KDM4C: variants seen among roughly 807,000 people sequenced by gnomAD.
KDM4C encodes the protein lysine demethylase 4C, also known as lysine-specific demethylase 4C.
A neutral mutation model predicts 129.3 loss-of-function variants in KDM4C; 81 were observed. The ratio of observed to expected loss-of-function variants is 0.63; its 90% CI spans 0.52 to 0.75. KDM4C has a LOEUF of 0.75. Among genes scored for constraint, KDM4C ranks in the 30% least tolerant of loss-of-function variants. The pLI is 0.00. For synonymous variants in KDM4C, 573 were observed against 456.1 expected (o/e 1.26, Z -3.26); for missense variants, 1,457 against 1,304.0 (o/e 1.12, Z -1.81).
chr9:6,776,707 C>T (rs561648558), intron 1 of KDM4C, among the ~76,000 whole-genome samples: 17 of 150,356 alleles, frequency 1.1e-4, no homozygotes, highest in Admixed American at 4.7e-4. Flanking sequence ...TGGGTTCAAG[C>T]GATTCTTGTC....
chr9:6,975,095 G>A (rs1210205847), intron 8 of KDM4C, among the ~76,000 whole-genome samples: 1 of 152,158 alleles, frequency 6.6e-6, no homozygotes, highest in Non-Finnish European at 1.5e-5. Flanking sequence ...TGAGTTTCTA[G>A]TCCCATACCT....
chr9:7,024,559 C>T (rs1430722358), intron 15 of KDM4C, among the ~76,000 whole-genome samples: 4 of 151,580 alleles, frequency 2.6e-5, no homozygotes, highest in Non-Finnish European at 5.9e-5. Flanking sequence ...GTTCAATTCC[C>T]ACCTGTGAGT....
At chr9:6,823,291 C>CT (rs1224403478) in intron 4 of KDM4C, among the ~76,000 whole-genome samples, 1 of 152,184 alleles carries the variant, frequency 6.6e-6, no homozygotes, top group East Asian at 1.9e-4. Context: ...TCAGTGGCCC[C>CT]TTGGAACCAA....
intron 4 of KDM4C, among the ~76,000 whole-genome samples, chr9:6,823,319 G>A (rs745669640): frequency 1.3e-5 from 2 of 152,158 alleles, no homozygotes; most frequent in East Asian, 1.9e-4. Flanking sequence ...CACCAAAAGG[G>A]GGTAGCTTAT....
At chr9:7,077,386 G>T in intron 17 of KDM4C, 2 of 205,550 alleles carry the variant, frequency 9.7e-6, no homozygotes, top group Non-Finnish European at 1.7e-5. Flanking sequence ...AGAATAGCAT[G>T]CTATTTAGCA....
At chr9:6,856,713 C>T (rs1839915135) in intron 5 of KDM4C, among the ~76,000 whole-genome samples, 1 of 150,406 alleles carries the variant, frequency 6.6e-6, no homozygotes, top group Non-Finnish European at 1.5e-5. Flanking sequence ...GCTGGGACTA[C>T]AGGTGTGTGC....
chr9:6,778,292 G>A (rs903323240), intron 1 of KDM4C, among the ~76,000 whole-genome samples: 7 of 150,996 alleles, frequency 4.6e-5, no homozygotes, highest in African/African-American at 1.7e-4. Context: ...GTTTCACCAT[G>A]TTGGCCAGGC....
At chr9:6,979,399 G>C (rs902213088) in intron 8 of KDM4C, among the ~76,000 whole-genome samples, 1 of 152,188 alleles carries the variant, frequency 6.6e-6, no homozygotes. Context: ...ATGCAGGAAG[G>C]TGGTGTGGTA....
At chr9:7,149,288 C>CA (rs1842508791) in intron 19 of KDM4C, among the ~76,000 whole-genome samples, 1 of 152,240 alleles carries the variant, frequency 6.6e-6, no homozygotes, top group Non-Finnish European at 1.5e-5. Context: ...GCTATCAAGA[C>CA]ACGATGGCAA....
chr9:7,093,246 G>A (rs929970510), intron 17 of KDM4C, among the ~76,000 whole-genome samples: 9 of 152,174 alleles, frequency 5.9e-5, no homozygotes, highest in African/African-American at 2.2e-4. Flanking sequence ...AAAATGAAGG[G>A]TGGAGCATGG....
rs151279305 is a variant in KDM4C at position 6,833,635 on chromosome 9, G to C, written c.436-15872G>C. ...TGATAATAGTTGATGGTAGTGTTTAGCTGGCAGGACAAAATGAGGTGACAT... is the reference window on the plus strand; with the variant it reads ...TGATAATAGTTGATGGTAGTGTTTACCTGGCAGGACAAAATGAGGTGACAT... On this transcript the variant is annotated intron_variant, in intron 4 of 21. Transcript: ENST00000381309. Among the ~76,000 whole-genome samples the C allele has an allele frequency of 1.3e-3, 193 of 152,258 alleles. 1 individual carries two copies. The highest frequency in any genetic ancestry group is 4.3e-3 in the African/African-American group (177 of 41,544).
chr9:6,962,818 T>G (rs1404678871), intron 8 of KDM4C, among the ~76,000 whole-genome samples: 1 of 152,160 alleles, frequency 6.6e-6, no homozygotes, highest in African/African-American at 2.4e-5. Flanking sequence ...CTCATGTAAT[T>G]ACTCAATTAC....
intron 8 of KDM4C, among the ~76,000 whole-genome samples, chr9:6,919,254 T>TA (rs1342490710): frequency 1.4e-5 from 1 of 69,598 alleles, no homozygotes; most frequent in African/African-American, 7.3e-5. Context: ...TTCTTTTCTT[T>TA]CTTTCTTTCT....
chr9:7,101,233 G>A (rs912412795), intron 17 of KDM4C, among the ~76,000 whole-genome samples: 6 of 151,934 alleles, frequency 3.9e-5, no homozygotes, highest in Admixed American at 6.6e-5. Context: ...CATGTATTTC[G>A]TTGTAACATT....
chr9:6,985,255 C>G (rs1167802483), intron 10 of KDM4C, among the ~76,000 whole-genome samples: 1 of 152,204 alleles, frequency 6.6e-6, no homozygotes, highest in Admixed American at 6.5e-5. Flanking sequence ...TTGTGACTAC[C>G]TTCTTCTTAG....
intron 8 of KDM4C, among the ~76,000 whole-genome samples, chr9:6,964,685 G>T (rs10975942): frequency 6.6e-6 from 1 of 151,224 alleles, no homozygotes; most frequent in African/African-American, 2.4e-5. Flanking sequence ...GTGAGGCTGA[G>T]GCAGGAGAAT....
intron 1 of KDM4C, among the ~76,000 whole-genome samples, chr9:6,750,785 C>T (rs1818040937): frequency 1.3e-5 from 2 of 152,166 alleles, no homozygotes; most frequent in African/African-American, 2.4e-5. Context: ...AACCTCAAAA[C>T]GTAGTGGTTT....
intron 1 of KDM4C, among the ~76,000 whole-genome samples, chr9:6,768,455 C>G (rs1366459491): frequency 2.6e-5 from 4 of 151,928 alleles, no homozygotes; most frequent in Admixed American, 2.6e-4. Flanking sequence ...CATGCTCCCT[C>G]ACTCCTCAGT....
chr9:6,771,560 C>G (rs905783424), intron 1 of KDM4C, among the ~76,000 whole-genome samples: 8 of 151,754 alleles, frequency 5.3e-5, no homozygotes, highest in African/African-American at 1.9e-4. Context: ...ATCCACCTGC[C>G]TTGGCCTCAC....
Sources: allele counts gnomAD v4.1 joint callset (sites outside exome capture counted in the v4.1 genomes callset), GRCh38; gene constraint gnomAD v4.1.1; transcripts MANE v1.5; gene names NCBI Gene and HGNC (gene_info 2026-07-23, HGNC 2026-07-21).